MAGI3: variants seen among roughly 807,000 people sequenced by gnomAD.
The protein encoded by MAGI3 is membrane associated guanylate kinase, WW and PDZ domain containing 3, also known as membrane-associated guanylate kinase, WW and PDZ domain-containing protein 3.
Under a neutral mutation model 121.8 loss-of-function variants are expected in MAGI3, and 43 were observed. The observed-to-expected ratio is 0.35, with a 90% CI of 0.28 to 0.46. MAGI3 has a LOEUF of 0.46. MAGI3 is among the 20% of genes least tolerant of loss of function. MAGI3 has a pLI of 1.00. For missense variants in MAGI3, 1,547 were observed against 1,797.3 expected (o/e 0.86, Z 2.52); for synonymous variants, 553 against 639.3 (o/e 0.86, Z 2.04).
intron 1 of MAGI3, among the ~76,000 whole-genome samples, chr1:113,517,333 A>AT (rs919928157): frequency 3.5e-4 from 51 of 147,714 alleles, no homozygotes; most frequent in African/African-American, 1.2e-3. Context: ...AGTTTTATTT[A>AT]TTTTTTTTAA....
intron 9 of MAGI3, among the ~76,000 whole-genome samples, chr1:113,640,666 G>A (rs1040628608): frequency 6.6e-6 from 1 of 151,748 alleles, no homozygotes; most frequent in African/African-American, 2.4e-5. Context: ...ATAAGTGGGA[G>A]TTGAACAATG....
At chr1:113,561,094 TA>T (rs1324623787) in intron 2 of MAGI3, among the ~76,000 whole-genome samples, 1 of 152,094 alleles carries the variant, frequency 6.6e-6, no homozygotes, top group African/African-American at 2.4e-5. Context: ...AAGAGACCAA[TA>T]GCCAGTTCTG....
intron 5 of MAGI3, 55 bp downstream of exon 5, chr1:113,590,713 A>G: frequency 1.3e-6 from 2 of 1,491,288 alleles, no homozygotes; most frequent in South Asian, 1.4e-5. Flanking sequence ...AGGATTGTCT[A>G]AGATTTTTTT....
At chr1:113,556,552 A>G (rs79367266) in intron 2 of MAGI3, among the ~76,000 whole-genome samples, 2 of 117,594 alleles carry the variant, frequency 1.7e-5, no homozygotes, top group Admixed American at 9.4e-5. Context: ...TATGATAAAG[A>G]TTTTTTTTTT....
intron 6 of MAGI3, 79 bp from the exon 7 acceptor site, chr1:113,614,522 A>C (rs1570943345): frequency 9.4e-7 from 1 of 1,064,028 alleles, no homozygotes; most frequent in East Asian, 2.4e-5. Flanking sequence ...AGTATAATGA[A>C]ATAATAAATT....
intron 1 of MAGI3, among the ~76,000 whole-genome samples, chr1:113,427,052 G>C (rs973021300): frequency 6.6e-6 from 1 of 152,038 alleles, no homozygotes; most frequent in Non-Finnish European, 1.5e-5. Context: ...CAGTCACCCT[G>C]TTTAGGTTTA....
intron 1 of MAGI3, among the ~76,000 whole-genome samples, chr1:113,546,412 C>G (rs1465845725): frequency 6.6e-6 from 1 of 152,200 alleles, no homozygotes; most frequent in African/African-American, 2.4e-5. Context: ...TCTTGTCTCA[C>G]TGCGACCTCT....
intron 1 of MAGI3, among the ~76,000 whole-genome samples, chr1:113,540,576 G>A (rs1050484859): frequency 1.3e-5 from 2 of 152,296 alleles, no homozygotes; most frequent in East Asian, 3.9e-4. Context: ...ACACAAAACT[G>A]AAACCACTAG....
At chr1:113,399,774 C>T (rs1651304699) in intron 1 of MAGI3, among the ~76,000 whole-genome samples, 2 of 152,030 alleles carry the variant, frequency 1.3e-5, no homozygotes, top group Admixed American at 6.6e-5. Flanking sequence ...GGAAGATTAA[C>T]AGTCTTTGGC....
Position 113,590,503 on chromosome 1 carries a change from T to A in MAGI3, c.783T>A (p.Ser261=), listed in dbSNP as rs374651122. 1 of 1,613,730 alleles carries A rather than the reference T, an allele frequency of 6.2e-7. No homozygotes were observed. Among genetic ancestry groups the A allele is most frequent in the South Asian group, 1.1e-5 (1 of 91,060 alleles). ...TGGCAGAAAACAGAGAGAGGCATTC[T>A]GAGTCATCTGACTGGATGAAGACTG... ...SGNAENRERH[S]ESSDWMKTVP... Residue 261 remains serine, a synonymous_variant, in exon 5 of 21, where the codon TCT becomes TCA. Transcript: ENST00000307546.
At chr1:113,552,375 A>C (rs1170443354) in intron 2 of MAGI3, among the ~76,000 whole-genome samples, 1 of 152,186 alleles carries the variant, frequency 6.6e-6, no homozygotes, top group Non-Finnish European at 1.5e-5. Context: ...TCTTAAATAT[A>C]TTAGTCAACT....
At chr1:113,401,375 CAG>C (rs1231523541) in intron 1 of MAGI3, among the ~76,000 whole-genome samples, 1 of 152,076 alleles carries the variant, frequency 6.6e-6, no homozygotes, top group Non-Finnish European at 1.5e-5. Flanking sequence ...TGTTTCAAAA[CAG>C]AGTTTGTGGC....
Position 113,590,623 on chromosome 1 carries a change from G to A in MAGI3, c.903G>A (p.Met301Ile). The A allele has an allele frequency of 6.2e-7, 1 of 1,613,682 alleles. No individual in the cohort carries two copies. Among genetic ancestry groups the A allele is most frequent in the Non-Finnish European group, 8.5e-7 (1 of 1,179,704 alleles). ...AACCACTGCCCAAAAACTGGGAAAT[G>A]GCCTACACTGACACAGGGATGATCT... ...TLEPLPKNWE[M>I]AYTDTGMIYF... The change falls in exon 5 of 21, where the codon ATG becomes ATA. Residue 301 changes from methionine to isoleucine, a missense_variant. By Grantham distance (10) the Met-to-Ile change is conservative (BLOSUM62 1). Coordinates refer to ENST00000307546, the MANE Select transcript of MAGI3 (RefSeq NM_001142782.2).
At chr1:113,675,874 A>C (rs1647836093) in intron 19 of MAGI3, among the ~76,000 whole-genome samples, 1 of 152,196 alleles carries the variant, frequency 6.6e-6, no homozygotes, top group Non-Finnish European at 1.5e-5. Flanking sequence ...CATTCTCCTG[A>C]GTTTCCTCAT....
intron 6 of MAGI3, 143 bp downstream of exon 6, chr1:113,594,703 CTGAT>C: frequency 1.9e-6 from 1 of 516,384 alleles, no homozygotes; most frequent in Non-Finnish European, 3.4e-6. Flanking sequence ...TCATAATCAA[CTGAT>C]TGTGGTAATT....
intron 15 of MAGI3, among the ~76,000 whole-genome samples, chr1:113,657,820 G>A (rs544945283): frequency 1.9e-4 from 29 of 152,290 alleles, no homozygotes; most frequent in African/African-American, 7.0e-4. Context: ...ACATAATTCA[G>A]AGCTAAAAGG....
chr1:113,457,369 G>A (rs907075966), intron 1 of MAGI3, among the ~76,000 whole-genome samples: 1 of 152,130 alleles, frequency 6.6e-6, no homozygotes, highest in South Asian at 2.1e-4. Flanking sequence ...TTTCCCATTT[G>A]ACCCTTACAA....
intron 16 of MAGI3, 129 bp downstream of exon 16, chr1:113,659,394 T>G: frequency 1.3e-6 from 1 of 772,744 alleles, no homozygotes; most frequent in Non-Finnish European, 2.0e-6. Context: ...GCTGGAGTCT[T>G]ATTCTTCCCC....
At chr1:113,659,011 G>A (rs540375993) in intron 15 of MAGI3, 69 bp from the exon 16 acceptor site, 269 of 1,262,050 alleles carry the variant, frequency 2.1e-4, no homozygotes, top group African/African-American at 2.6e-4. Flanking sequence ...TTTAAATGAC[G>A]TTGATTATAA....
Sources: gnomAD v4.1 joint callset for allele counts (sites outside exome capture counted in the v4.1 genomes callset) on GRCh38, gnomAD v4.1.1 for gene constraint, MANE v1.5 for transcripts, NCBI Gene and HGNC (gene_info 2026-07-23, HGNC 2026-07-21) for gene names.